ACCSL: variants seen among roughly 807,000 people sequenced by gnomAD.
ACCSL encodes 1-aminocyclopropane-1-carboxylate synthase homolog (inactive) like, also known as probable inactive 1-aminocyclopropane-1-carboxylate synthase-like protein 2.
ACCSL carries 55 observed loss-of-function variants against 61.7 expected under a neutral mutation model. The ratio of observed to expected loss-of-function variants is 0.89; its 90% confidence interval spans 0.72 to 1.12. ACCSL has a LOEUF of 1.12. Among genes scored for constraint, ACCSL ranks in the 50% most tolerant of loss-of-function variants. ACCSL has a pLI of 0.00. For synonymous variants in ACCSL, 258 were observed against 264.3 expected (o/e 0.98, Z 0.23); for missense variants, 632 against 698.0 (o/e 0.91, Z 1.07).
the ACCSL span, chr11:43,943,778 T>G: frequency 7.7e-7 from 1 of 1,304,114 alleles, no homozygotes; most frequent in Non-Finnish European, 1.0e-6. The surrounding 1 kb of genome is among the most constrained non-coding windows in gnomAD (Gnocchi z 4.8). Flanking sequence ...ATATTTATTT[T>G]TGCATTGCGA....
chr11:44,012,286 T>G, the ACCSL span, among the ~76,000 whole-genome samples: 1 of 151,924 alleles, frequency 6.6e-6, no homozygotes, highest in African/African-American at 2.4e-5. Flanking sequence ...TCAATTTGAT[T>G]AACTTTTTTT....
the ACCSL span, among the ~76,000 whole-genome samples, chr11:44,013,950 T>G: frequency 3.3e-5 from 5 of 152,138 alleles, no homozygotes; most frequent in Admixed American, 3.3e-4. Flanking sequence ...TTTCTGTTGG[T>G]CTTCATCTCA....
chr11:44,001,882 G>A, the ACCSL span, among the ~76,000 whole-genome samples: 1 of 151,258 alleles, frequency 6.6e-6, no homozygotes, highest in East Asian at 2.0e-4. Flanking sequence ...AGTGGTTGAA[G>A]GGGCTGGAAG....
the ACCSL span, among the ~76,000 whole-genome samples, chr11:43,929,710 A>G: frequency 6.6e-6 from 1 of 152,092 alleles, no homozygotes; most frequent in African/African-American, 2.4e-5. Context: ...CCCGACCGCT[A>G]ATTTTTAAAT....
chr11:43,952,804 A>G, the ACCSL span, among the ~76,000 whole-genome samples: 1 of 152,140 alleles, frequency 6.6e-6, no homozygotes, highest in Non-Finnish European at 1.5e-5. Flanking sequence ...TCCTGCTACA[A>G]GCTCACTTAA....
the ACCSL span, among the ~76,000 whole-genome samples, chr11:43,928,697 A>G: frequency 1.3e-5 from 2 of 152,318 alleles, no homozygotes; most frequent in African/African-American, 2.4e-5. Flanking sequence ...TCTGTAGACA[A>G]GCAGCTCAGA....
chr11:43,936,041 C>G, the ACCSL span, among the ~76,000 whole-genome samples: 2 of 152,206 alleles, frequency 1.3e-5, no homozygotes, highest in Admixed American at 1.3e-4. Flanking sequence ...GTACCTAATC[C>G]CCCCAGGCCT....
the ACCSL span, among the ~76,000 whole-genome samples, chr11:43,935,129 A>T: frequency 6.6e-6 from 1 of 151,946 alleles, no homozygotes; most frequent in African/African-American, 2.4e-5. Flanking sequence ...AGAGGATTCT[A>T]GGATGTTAGA....
chr11:44,052,145 G>A (rs1952643468), intron 5 of ACCSL, among the ~76,000 whole-genome samples: 1 of 152,216 alleles, frequency 6.6e-6, no homozygotes, highest in African/African-American at 2.4e-5. Flanking sequence ...TTAAGCAAGA[G>A]GCTCCAATGT....
chr11:43,955,985 G>A, the ACCSL span, among the ~76,000 whole-genome samples: 2 of 151,600 alleles, frequency 1.3e-5, no homozygotes, highest in Admixed American at 1.3e-4. Flanking sequence ...TAAATTTAAA[G>A]GAGTTTAATT....
chr11:44,052,582 C>G (rs1373676271), intron 5 of ACCSL, 80 bp from the exon 6 acceptor site: 2 of 1,230,450 alleles, frequency 1.6e-6, no homozygotes, highest in Admixed American at 1.8e-5. Context: ...CTGTCGATAG[C>G]TTTGCTAGTT....
At chr11:43,982,674 G>T in the ACCSL span, among the ~76,000 whole-genome samples, 1 of 152,194 alleles carries the variant, frequency 6.6e-6, no homozygotes, top group Non-Finnish European at 1.5e-5. Context: ...ACAGGAGCTG[G>T]ACTCTCTAAC....
chr11:43,921,652 G>A, the ACCSL span, among the ~76,000 whole-genome samples: 1 of 152,130 alleles, frequency 6.6e-6, no homozygotes, highest in Non-Finnish European at 1.5e-5. Flanking sequence ...AAGTCTTCCA[G>A]CGTCCCTCTT....
intron 3 of ACCSL, among the ~76,000 whole-genome samples, chr11:44,051,089 C>T (rs1350463303): frequency 1.3e-5 from 2 of 152,180 alleles, no homozygotes; most frequent in Admixed American, 1.3e-4. Context: ...GATCCACCCG[C>T]CTTGGCCTCC....
chr11:43,931,649 G>T, the ACCSL span, among the ~76,000 whole-genome samples: 1 of 152,184 alleles, frequency 6.6e-6, no homozygotes, highest in South Asian at 2.1e-4. Flanking sequence ...GTACTGCTCT[G>T]GGAAGATACA....
chr11:43,923,955 C>T, the ACCSL span, among the ~76,000 whole-genome samples: 5 of 152,212 alleles, frequency 3.3e-5, no homozygotes, highest in Admixed American at 6.5e-5. Flanking sequence ...AGTGATGTCA[C>T]GCTCTCTCAG....
At chr11:44,000,869 G>T in the ACCSL span, among the ~76,000 whole-genome samples, 1 of 152,100 alleles carries the variant, frequency 6.6e-6, no homozygotes, top group Non-Finnish European at 1.5e-5. Flanking sequence ...ATCCACAGGG[G>T]ATCCTGGAGC....
the ACCSL span, among the ~76,000 whole-genome samples, chr11:43,936,642 A>G: frequency 2.0e-4 from 30 of 152,322 alleles, no homozygotes; most frequent in East Asian, 5.8e-3. Context: ...GAATGAGTCC[A>G]TGGCGGCACT....
the ACCSL span, among the ~76,000 whole-genome samples, chr11:43,965,661 C>T: frequency 6.6e-6 from 1 of 152,104 alleles, no homozygotes; most frequent in African/African-American, 2.4e-5. Flanking sequence ...ATAAAACAAT[C>T]TCGAAAAATA....
Sources: allele counts gnomAD v4.1 joint callset (sites outside exome capture counted in the v4.1 genomes callset), GRCh38; gene constraint gnomAD v4.1.1; non-coding constraint Gnocchi (gnomAD v3.1); transcripts MANE v1.5; gene names NCBI Gene and HGNC (gene_info 2026-07-23, HGNC 2026-07-21).